Variants in MSRA observed in about 807,000 individuals in gnomAD.
MSRA encodes the protein mitochondrial peptide methionine sulfoxide reductase.
A neutral mutation model predicts 31.3 loss-of-function variants in MSRA; 54 were observed. The observed-to-expected ratio is 1.73, with a 90% confidence interval of 1.39 to 2.17. MSRA has a LOEUF of 2.17. Among genes scored for constraint, MSRA ranks in the 30% most tolerant of loss-of-function variants. The probability of loss-of-function intolerance (pLI) is 0.00; values close to 1 mark genes in which losing one functional copy is unlikely to be tolerated. For synonymous variants in MSRA, 169 were observed against 116.5 expected, an observed-to-expected ratio of 1.45 and a Z score of -2.90; for missense variants, 507 against 300.9, an observed-to-expected ratio of 1.69 and a Z score of -5.07.
intron 3 of MSRA, among the ~76,000 whole-genome samples, chr8:10,270,614 G>C (rs1367200675): frequency 6.6e-6 from 1 of 152,212 alleles, no homozygotes; most frequent in Admixed American, 6.5e-5. Flanking sequence ...CGTCAGAGCA[G>C]CTGGAGTTCC....
intron 5 of MSRA, among the ~76,000 whole-genome samples, chr8:10,393,061 C>CAAAAAAAAA (rs768294679): frequency 1.3e-5 from 1 of 77,698 alleles, no homozygotes. Flanking sequence ...GACTCCGTCT[C>CAAAAAAAAA]AAAAAAAAAA....
intron 5 of MSRA, among the ~76,000 whole-genome samples, chr8:10,406,732 A>T (rs1474774505): frequency 6.6e-6 from 1 of 152,106 alleles, no homozygotes; most frequent in Non-Finnish European, 1.5e-5. Context: ...TGTTCCTTTG[A>T]TTTCTCCAAA....
intron 1 of MSRA, among the ~76,000 whole-genome samples, chr8:10,077,045 T>TAA (rs543152237): frequency 0.48 from 66,302 of 138,950 alleles, 16,701 homozygotes; most frequent in Middle Eastern, 0.57. Context: ...CCTCAGAACT[T>TAA]AAAAAAAAAA....
At chr8:10,207,171 T>G (rs1223235668) in intron 1 of MSRA, among the ~76,000 whole-genome samples, 1 of 152,216 alleles carries the variant, frequency 6.6e-6, no homozygotes, top group African/African-American at 2.4e-5. Flanking sequence ...AACAATAACC[T>G]GGTCACTTGT....
chr8:10,419,624 T>C (rs1808690423), intron 5 of MSRA, among the ~76,000 whole-genome samples: 1 of 152,200 alleles, frequency 6.6e-6, no homozygotes, highest in Non-Finnish European at 1.5e-5. Flanking sequence ...ACACTGTACC[T>C]GGTGCTTAAA....
At chr8:10,246,435 A>G (rs1479935466) in intron 3 of MSRA, among the ~76,000 whole-genome samples, 1 of 152,236 alleles carries the variant, frequency 6.6e-6, no homozygotes, top group Non-Finnish European at 1.5e-5. Flanking sequence ...TATATTCACC[A>G]TTTTAAGAGG....
chr8:10,252,385 G>C (rs1327512998), intron 3 of MSRA, among the ~76,000 whole-genome samples: 3 of 152,136 alleles, frequency 2.0e-5, no homozygotes, highest in African/African-American at 7.2e-5. Flanking sequence ...TTTGTCATTT[G>C]GTTCCTGTTT....
chr8:10,296,572 T>A (rs1281345702), intron 3 of MSRA, among the ~76,000 whole-genome samples: 3 of 152,228 alleles, frequency 2.0e-5, no homozygotes, highest in African/African-American at 7.2e-5. Context: ...TTTCCCCATG[T>A]CATCACGGCT....
chr8:10,280,781 G>A (rs545615561), intron 3 of MSRA, among the ~76,000 whole-genome samples: 7 of 152,352 alleles, frequency 4.6e-5, no homozygotes, highest in East Asian at 1.9e-4. Context: ...CAACCCAAAC[G>A]CGCATCAGCG....
At chr8:10,065,149 A>G (rs1035221275) in intron 1 of MSRA, among the ~76,000 whole-genome samples, 1 of 152,036 alleles carries the variant, frequency 6.6e-6, no homozygotes, top group African/African-American at 2.4e-5. Flanking sequence ...CTGGCTTACC[A>G]TTCAGCATTC....
intron 5 of MSRA, among the ~76,000 whole-genome samples, chr8:10,330,033 TG>T (rs1802602509): frequency 1.3e-5 from 2 of 151,264 alleles, no homozygotes; most frequent in African/African-American, 4.9e-5. Flanking sequence ...TGTGTGTGTG[TG>T]TGTGTGTGTG....
At chr8:10,072,800 A>G (rs979595149) in intron 1 of MSRA, among the ~76,000 whole-genome samples, 3 of 152,218 alleles carry the variant, frequency 2.0e-5, no homozygotes, top group Non-Finnish European at 4.4e-5. Context: ...CTCAGTGTAT[A>G]GATCTTGTGC....
Position 10,126,806 on chromosome 8 carries a change from G to T in MSRA, c.142+72148G>T, listed in dbSNP as rs190009152. 9.8e-5 allele frequency among the ~76,000 whole-genome samples: 15 copies of T among 152,354 alleles called. No individual in the cohort carries two copies. In the East Asian group the frequency reaches 2.9e-3, roughly 29 times the overall value. On this transcript the variant is annotated intron_variant, in intron 1 of 5. Transcript: ENST00000317173. ...TGGGATTACAGGCATGAGCCACCAT[G>T]TCCAGCCTAGATTTTCATAAGGAGT...
intron 5 of MSRA, among the ~76,000 whole-genome samples, chr8:10,383,205 A>T (rs935085704): frequency 7.2e-5 from 11 of 152,296 alleles, no homozygotes; most frequent in Admixed American, 5.2e-4. Flanking sequence ...GCAGGGGCAG[A>T]GGGCAATGTG....
intron 1 of MSRA, among the ~76,000 whole-genome samples, chr8:10,097,357 C>A (rs1461611991): frequency 6.6e-6 from 1 of 152,136 alleles, no homozygotes; most frequent in African/African-American, 2.4e-5. Context: ...GTCGCTGATA[C>A]TCCTAAAATG....
At chr8:10,348,763 TG>T (rs1439388663) in intron 5 of MSRA, among the ~76,000 whole-genome samples, 20 of 152,244 alleles carry the variant, frequency 1.3e-4, no homozygotes, top group Middle Eastern at 3.4e-3. Context: ...CACGTCATAC[TG>T]GAAAGAGGGA....
intron 1 of MSRA, among the ~76,000 whole-genome samples, chr8:10,112,615 C>G (rs1204405590): frequency 6.6e-6 from 1 of 152,162 alleles, no homozygotes; most frequent in Non-Finnish European, 1.5e-5. Flanking sequence ...TCTTGAGCAC[C>G]TACTATGTGC....
rs947319990 is a variant in MSRA, at chr8:10,422,087, C to T, written c.544-6061C>T. Among the ~76,000 whole-genome samples the T allele has an allele frequency of 3.9e-5, 6 of 152,120 alleles. No homozygotes were observed. The East Asian group carries it at 7.7e-4, about 20-fold the overall frequency. On this transcript the variant is annotated intron_variant, in intron 5 of 5. Transcript: ENST00000317173. Reference sequence around the variant, plus strand: ...TTTGAGGCCAGGAATTTGAGACCAGCGTGGACAACATATAGGGAGACACTG... The same window carrying T: ...TTTGAGGCCAGGAATTTGAGACCAGTGTGGACAACATATAGGGAGACACTG...
intron 4 of MSRA, among the ~76,000 whole-genome samples, chr8:10,319,526 C>T (rs1365662838): frequency 2.0e-5 from 3 of 151,820 alleles, no homozygotes; most frequent in Admixed American, 6.6e-5. Context: ...CTCCTTAGGA[C>T]CCAAGGAAAT....
Sources: gnomAD v4.1 joint callset for allele counts (sites outside exome capture counted in the v4.1 genomes callset) on GRCh38, gnomAD v4.1.1 for gene constraint, MANE v1.5 for transcripts, NCBI Gene and HGNC (gene_info 2026-07-23, HGNC 2026-07-21) for gene names.